Variants in URI1 observed in about 807,000 individuals in gnomAD.
URI1 encodes the protein URI1 prefoldin like chaperone.
In URI1, 39 loss-of-function variants were observed where a neutral mutation model predicts 60.2. The observed-to-expected ratio is 0.65, with a 90% confidence interval of 0.50 to 0.85. The LOEUF is 0.85. URI1 is among the 40% of genes least tolerant of loss of function. The pLI is 0.00. For synonymous variants in URI1, 251 were observed against 236.8 expected (o/e 1.06, Z -0.55); for missense variants, 691 against 665.9 (o/e 1.04, Z -0.42).
At chr19:29,958,602 T>C (rs2145282221) in intron 1 of URI1, among the ~76,000 whole-genome samples, 1 of 152,358 alleles carries the variant, frequency 6.6e-6, no homozygotes, top group East Asian at 1.9e-4. Flanking sequence ...TATTAAGGTA[T>C]TTTGTTCTGT....
At chr19:29,933,847 T>C (rs1339956610) in intron 1 of URI1, among the ~76,000 whole-genome samples, 2 of 151,914 alleles carry the variant, frequency 1.3e-5, no homozygotes, top group Non-Finnish European at 2.9e-5. Context: ...TCAACTTTTA[T>C]TTTCATTGAT....
At chr19:30,014,780 C>G in intron 10 of URI1, 107 bp from the exon 11 acceptor site, 2 of 1,139,306 alleles carry the variant, frequency 1.8e-6, no homozygotes, top group Non-Finnish European at 1.2e-6. Context: ...AGCCAAAAAT[C>G]TCGTGAATTT....
intron 1 of URI1, among the ~76,000 whole-genome samples, chr19:29,959,385 C>G (rs1262499615): frequency 6.6e-6 from 1 of 152,188 alleles, no homozygotes; most frequent in Non-Finnish European, 1.5e-5. Flanking sequence ...GCCTTGGCTT[C>G]CCAAAATGAT....
Position 30,015,455 on chromosome 19 carries a change from A to G in URI1, c.*386A>G, listed in dbSNP as rs2056074482. ...TATGGACCATTTTAAAGAAAATTTT[A>G]AAATTTCAAATAGATTCAACAATTA... On this transcript the variant is annotated 3_prime_UTR_variant, in exon 11 of 11. Transcript: ENST00000392271. 3 of 1,512,408 alleles carry G rather than the reference A, an allele frequency of 2.0e-6. No homozygotes were observed. Among genetic ancestry groups the G allele is most frequent in the East Asian group, 2.5e-5 (1 of 40,740 alleles). The allele number at this position is 1,512,408 out of a possible 1,614,324, so 93.7% of individuals were successfully genotyped here.
At chr19:29,958,060 G>A (rs1599673770) in intron 1 of URI1, 1 of 151,982 alleles carries the variant, frequency 6.6e-6, no homozygotes, top group African/African-American at 2.4e-5. Flanking sequence ...AAAGTGCTGG[G>A]ACCACAACAA....
At chr19:29,985,032 A>G (rs2055645523) in intron 2 of URI1, among the ~76,000 whole-genome samples, 191 bp from the exon 3 acceptor site, 2 of 150,374 alleles carry the variant, frequency 1.3e-5, no homozygotes, top group South Asian at 4.3e-4. Flanking sequence ...AGGCAGGAGA[A>G]TTGCTTGAAC....
chr19:29,950,537 A>G (rs1252367460), intron 1 of URI1, among the ~76,000 whole-genome samples: 2 of 152,116 alleles, frequency 1.3e-5, no homozygotes, highest in Non-Finnish European at 2.9e-5. Flanking sequence ...ATTTTGTCCT[A>G]TTTGCTTTTC....
At chr19:29,949,625 G>A (rs995060292) in intron 1 of URI1, among the ~76,000 whole-genome samples, 1 of 152,212 alleles carries the variant, frequency 6.6e-6, no homozygotes, top group African/African-American at 2.4e-5. Context: ...GCAACATTGA[G>A]CACTGAGTGA....
chr19:29,976,340 G>A (rs565954173), intron 2 of URI1, among the ~76,000 whole-genome samples: 84 of 152,306 alleles, frequency 5.5e-4, no homozygotes, highest in African/African-American at 2.0e-3. Context: ...CACTGCTTTG[G>A]TTGCAGCCAG....
intron 1 of URI1, among the ~76,000 whole-genome samples, chr19:29,953,698 T>TC (rs1382207347): frequency 6.6e-6 from 1 of 151,676 alleles, no homozygotes; most frequent in Non-Finnish European, 1.5e-5. Flanking sequence ...TTAGTTTTTT[T>TC]TTTTTAGAGC....
intron 1 of URI1, chr19:29,956,222 C>T (rs1183185260): frequency 4.3e-6 from 2 of 464,512 alleles, no homozygotes; most frequent in Non-Finnish European, 7.6e-6. Context: ...CTCAGGTGAT[C>T]CACCTGTCTT....
chr19:29,938,973 G>A (rs2054997548), upstream of URI1, among the ~76,000 whole-genome samples: 1 of 102,726 alleles, frequency 9.7e-6, no homozygotes, highest in Non-Finnish European at 1.9e-5. Context: ...ACTGTGCCTG[G>A]CCTACCATTT....
Position 30,015,700 on chromosome 19 carries a change from G to C in URI1, c.*631G>C. 2 of 1,018,450 alleles carry C rather than the reference G, an allele frequency of 2.0e-6. No homozygotes were observed. The highest frequency in any genetic ancestry group is 3.2e-5 in the South Asian group (2 of 62,226). 63.1% of individuals were successfully genotyped at this position (1,018,450 alleles called of 1,614,324 possible). Reference sequence around the variant, plus strand: ...CCAAGTAAAAACTTTATGAAACTTGGTCTCAAAAATGTTGTGAACTTTATG... The same window carrying C: ...CCAAGTAAAAACTTTATGAAACTTGCTCTCAAAAATGTTGTGAACTTTATG... On this transcript the variant is annotated 3_prime_UTR_variant, in exon 11 of 11. Coordinates refer to ENST00000392271, the MANE Select transcript of URI1 (RefSeq NM_003796.3).
chr19:29,935,109 CA>C (rs1417071952), intron 1 of URI1, among the ~76,000 whole-genome samples: 4 of 152,132 alleles, frequency 2.6e-5, no homozygotes, highest in African/African-American at 9.7e-5. Context: ...TCCACTACTA[CA>C]TTTTTTTGGT....
At position 29,963,249 on chromosome 19, in the gene URI1, C is replaced by T. The variant is rs192561596; in HGVS notation, c.118-7944C>T. On this transcript the variant is annotated intron_variant, in intron 1 of 10. Coordinates refer to ENST00000392271, the MANE Select transcript of URI1 (RefSeq NM_003796.3). ...CTTCCCTTTCTGGATCTTGCACTTA[C>T]ACTGTGTTTCACATGTCTCTTATTG... Among the ~76,000 whole-genome samples, 42 of 152,310 alleles carry T rather than the reference C, an allele frequency of 2.8e-4. 1 individual carries two copies. The East Asian group carries it at 7.7e-3, about 28-fold the overall frequency.
chr19:29,965,364 G>A (rs1303586114), intron 1 of URI1, among the ~76,000 whole-genome samples: 1 of 152,178 alleles, frequency 6.6e-6, no homozygotes, highest in Non-Finnish European at 1.5e-5. Flanking sequence ...GATAATCTCT[G>A]ATAAAACAGT....
chr19:29,944,169 A>G (rs1194739494), intron 1 of URI1, among the ~76,000 whole-genome samples: 1 of 76,256 alleles, frequency 1.3e-5, no homozygotes, highest in Non-Finnish European at 2.3e-5. Context: ...ATATATATAT[A>G]TATATATATA....
intron 4 of URI1, among the ~76,000 whole-genome samples, chr19:30,003,917 C>G (rs762871620): frequency 6.6e-6 from 1 of 152,044 alleles, no homozygotes; most frequent in Non-Finnish European, 1.5e-5. Flanking sequence ...TTTACTGAAG[C>G]AAAAACATTC....
At chr19:29,988,346 T>C (rs1048869126) in intron 4 of URI1, among the ~76,000 whole-genome samples, 2 of 152,264 alleles carry the variant, frequency 1.3e-5, no homozygotes, top group South Asian at 2.1e-4. Flanking sequence ...TCATGGTTGA[T>C]TGGGGTAATT....
Sources: gnomAD v4.1 joint callset for allele counts (sites outside exome capture counted in the v4.1 genomes callset) on GRCh38, gnomAD v4.1.1 for gene constraint, MANE v1.5 for transcripts, NCBI Gene and HGNC (gene_info 2026-07-23, HGNC 2026-07-21) for gene names.